CDKL3: variants seen among roughly 807,000 people sequenced by gnomAD.
CDKL3 encodes the protein cyclin-dependent kinase-like 3.
A neutral mutation model predicts 69.3 loss-of-function variants in CDKL3; 65 were observed. The ratio of observed to expected loss-of-function variants is 0.94; its 90% CI spans 0.77 to 1.15. CDKL3 has a LOEUF of 1.15. Among genes scored for constraint, CDKL3 ranks in the 50% most tolerant of loss-of-function variants. The pLI is 0.00. For missense variants in CDKL3, 652 were observed against 689.2 expected, an observed-to-expected ratio of 0.95 and a Z score of 0.61; for synonymous variants, 202 against 221.6, an observed-to-expected ratio of 0.91 and a Z score of 0.79.
intron 8 of CDKL3, among the ~76,000 whole-genome samples, chr5:134,290,970 T>C (rs1229838303): frequency 1.3e-5 from 2 of 152,042 alleles, no homozygotes; most frequent in East Asian, 1.9e-4. Flanking sequence ...AGACAAGAGA[T>C]GTTGTGAATA....
intron 4 of CDKL3, among the ~76,000 whole-genome samples, chr5:134,326,866 T>TATATATAC (rs1561563782): frequency 3.6e-4 from 35 of 98,168 alleles, no homozygotes; most frequent in South Asian, 8.9e-4. Context: ...TATATATATA[T>TATATATAC]ACACACACAC....
At chr5:134,285,080 T>C (rs565498305), downstream of CDKL3, among the ~76,000 whole-genome samples, 3 of 152,360 alleles carry the variant, frequency 2.0e-5, no homozygotes, top group African/African-American at 4.8e-5. Flanking sequence ...TCACAATTTA[T>C]GTTCTTCTGC....
chr5:134,297,742 C>T (rs573724470), downstream of CDKL3, among the ~76,000 whole-genome samples: 27 of 151,642 alleles, frequency 1.8e-4, 1 homozygote, highest in South Asian at 2.5e-3. Context: ...CCACCACGCC[C>T]GGCTAATTTT....
At chr5:134,335,850 A>G (rs899748686) in intron 4 of CDKL3, among the ~76,000 whole-genome samples, 22 of 151,948 alleles carry the variant, frequency 1.4e-4, no homozygotes, top group African/African-American at 5.3e-4. Context: ...CTGTATTTCC[A>G]AATTTGAACG....
At position 134,303,554 on chromosome 5, in the gene CDKL3, T is replaced by C. The variant is rs143008209; in HGVS notation, c.1621+851A>G. ...CAACATTGAGCTAATAAAAAATTTA[T>C]CCTTTGCAGCCAGCTGCAATGGCTC... On this transcript the variant is annotated intron_variant, in intron 11 of 12. Coordinates refer to ENST00000265334, the MANE Select transcript of CDKL3 (RefSeq NM_001113575.2). Among the ~76,000 whole-genome samples, 33 of 151,240 alleles carry C rather than the reference T, an allele frequency of 2.2e-4. 2 individuals carry two copies. In the East Asian group the frequency reaches 4.8e-3, roughly 22 times the overall value.
At position 134,356,979 on chromosome 5, in the gene CDKL3, T is replaced by C. The variant is rs985757598; in HGVS notation, c.360+2918A>G. 5.9e-5 allele frequency among the ~76,000 whole-genome samples: 9 copies of C among 151,738 alleles called. No individual in the cohort carries two copies. The East Asian group carries it at 1.2e-3, about 19-fold the overall frequency. ...TCTTGCCCATCCTATGCTGTACTAC[T>C]ATATCGTTTGTGCCACGAAACTTAG... is the stretch of plus-strand genomic sequence containing the variant. On this transcript the variant is annotated intron_variant, in intron 3 of 12. Transcript: ENST00000265334.
rs1216450343 is a variant in CDKL3, at chr5:134,326,807, ATATG to A, written c.540-4908_540-4905del. ...ACTTAAAGCGTGTGTGTATATATAT[ATATG>A]TGTGTGTATATATATATATATATAT... On this transcript the variant is annotated intron_variant, in intron 4 of 12. Transcript: ENST00000265334. Among the ~76,000 whole-genome samples, 71 of 123,370 alleles carry A rather than the reference ATATG, an allele frequency of 5.8e-4. 2 individuals are homozygous for A. The highest frequency in any genetic ancestry group is 6.1e-4 in the Non-Finnish European group (38 of 62,036). 80.9% of individuals were successfully genotyped at this position (123,370 alleles called of 152,430 possible).
chr5:134,366,581 A>G lies in CDKL3; in HGVS notation c.-21-37T>C, dbSNP rs1175970942. On this transcript the variant is annotated intron_variant, in intron 1 of 12. Coordinates refer to ENST00000265334, the MANE Select transcript of CDKL3 (RefSeq NM_001113575.2). ...TAAAGAAAGAAAATGGAAAATGTTAAACGTTTATACTTTTATTTATTAAAA... is the reference window on the plus strand; with the variant it reads ...TAAAGAAAGAAAATGGAAAATGTTAGACGTTTATACTTTTATTTATTAAAA... 9 of 1,296,808 alleles carry G rather than the reference A, an allele frequency of 6.9e-6. No individual in the cohort carries two copies. The East Asian group carries it at 2.0e-4, about 28-fold the overall frequency. 80.3% of individuals were successfully genotyped at this position (1,296,808 alleles called of 1,614,324 possible).
chr5:134,322,734 C>T (rs1341143239), intron 4 of CDKL3, among the ~76,000 whole-genome samples: 1 of 152,100 alleles, frequency 6.6e-6, no homozygotes, highest in Non-Finnish European at 1.5e-5. Context: ...GTAATCCCAG[C>T]ACTTTGGGAG....
rs773801190 is a variant in CDKL3, at chr5:134,319,335, G to C, written c.792+23C>G. ...ACAGAGCAAGACTCTGTCTCCGGGG[G>C]AGGAAAAAAAAAAAAAACATACATG... is the stretch of plus-strand genomic sequence containing the variant. On this transcript the variant is annotated intron_variant, in intron 6 of 12. Transcript: ENST00000265334. 4 of 1,462,568 alleles carry C rather than the reference G, an allele frequency of 2.7e-6. No individual in the cohort carries two copies. In the African/African-American group the frequency reaches 5.9e-5, roughly 21 times the overall value. 90.6% of individuals were successfully genotyped at this position (1,462,568 alleles called of 1,614,324 possible). A position where few individuals can be genotyped will look rare whatever the true frequency, so the allele number is the denominator to read the frequency against.
intron 3 of CDKL3, 144 bp from the exon 4 acceptor site, chr5:134,350,571 AAT>A: frequency 1.6e-6 from 1 of 617,218 alleles, no homozygotes; most frequent in Non-Finnish European, 2.9e-6. Flanking sequence ...ACACAATGCA[AAT>A]ATAGTTATAT....
At chr5:134,287,605 A>AT (rs1390458248) in intron 8 of CDKL3, among the ~76,000 whole-genome samples, 1 of 152,212 alleles carries the variant, frequency 6.6e-6, no homozygotes, top group African/African-American at 2.4e-5. Context: ...TGCCACTGCC[A>AT]TTGCCATAAC....
intron 3 of CDKL3, among the ~76,000 whole-genome samples, chr5:134,352,659 G>A (rs1242707738): frequency 6.6e-6 from 1 of 151,914 alleles, no homozygotes; most frequent in Non-Finnish European, 1.5e-5. Flanking sequence ...ATGTTGCCTG[G>A]TCTGGTCTTG....
intron 12 of CDKL3, among the ~76,000 whole-genome samples, chr5:134,300,517 G>T (rs1468563242): frequency 6.6e-6 from 1 of 151,820 alleles, no homozygotes; most frequent in Admixed American, 6.6e-5. Flanking sequence ...TAAACTACAG[G>T]CTCAAAATTT....
At chr5:134,314,620 A>C (rs532824433) in intron 6 of CDKL3, among the ~76,000 whole-genome samples, 1 of 152,330 alleles carries the variant, frequency 6.6e-6, no homozygotes, top group African/African-American at 2.4e-5. Flanking sequence ...ACTACTCTGC[A>C]AAAAAGGAAC....
chr5:134,286,582 A>C (rs1764877136), intron 8 of CDKL3: 1 of 152,980 alleles, frequency 6.5e-6, no homozygotes, highest in African/African-American at 2.4e-5. Flanking sequence ...AATTTACAAA[A>C]GAAAGAGGTT....
intron 4 of CDKL3, among the ~76,000 whole-genome samples, chr5:134,330,665 A>T (rs909570534): frequency 6.6e-6 from 1 of 152,154 alleles, no homozygotes; most frequent in African/African-American, 2.4e-5. Flanking sequence ...CAGTGAGCCA[A>T]GTTCCCACAA....
intron 3 of CDKL3, among the ~76,000 whole-genome samples, chr5:134,355,049 G>T (rs1016546393): frequency 4.0e-5 from 6 of 151,470 alleles, no homozygotes. Context: ...GAACTCAGGA[G>T]TTTGAGACAA....
In CDKL3 at chr5:134,360,013, T is replaced by G. The variant is rs1326575303; in HGVS notation, c.244A>C (p.Ile82Leu). 2.6e-6 allele frequency: 4 copies of G among 1,559,148 alleles called. No homozygotes were observed. Among genetic ancestry groups the G allele is most frequent in the Non-Finnish European group, 3.5e-6 (4 of 1,149,734 alleles). The stretch of plus-strand genomic sequence containing the variant: ...AACTCATCTAATACTGTGTGGTCAA[T>G]AAATTCAAATACCAAATGAATTTTC... ...KKKIHLVFEF[I>L]DHTVLDELQH... The change falls in exon 3 of 13, where the codon ATT becomes CTT. Residue 82 changes from isoleucine to leucine, a missense_variant. Transcript: ENST00000265334.
Sources: gnomAD v4.1 joint callset for allele counts (sites outside exome capture counted in the v4.1 genomes callset) on GRCh38, gnomAD v4.1.1 for gene constraint, MANE v1.5 for transcripts, NCBI Gene and HGNC (gene_info 2026-07-23, HGNC 2026-07-21) for gene names.